Variants in SLC24A3 observed in about 807,000 individuals in gnomAD.
SLC24A3 encodes the protein solute carrier family 24 member 3, also known as sodium/potassium/calcium exchanger 3.
SLC24A3 carries 28 observed loss-of-function variants against 75.8 expected under a neutral mutation model. The observed-to-expected ratio is 0.37, with a 90% CI of 0.27 to 0.51. The LOEUF is 0.51. Among genes scored for constraint, SLC24A3 ranks in the 20% least tolerant of loss-of-function variants. SLC24A3 has a pLI of 0.94. For synonymous variants in SLC24A3, 372 were observed against 334.1 expected (o/e 1.11, Z -1.24); for missense variants, 663 against 847.8 (o/e 0.78, Z 2.71).
intron 3 of SLC24A3, among the ~76,000 whole-genome samples, chr20:19,548,958 T>C (rs1163492073): frequency 1.3e-5 from 2 of 152,234 alleles, no homozygotes; most frequent in African/African-American, 4.8e-5. Context: ...GCAGTAGGGT[T>C]AGCTCTTTCC....
At chr20:19,465,270 G>A (rs757221127) in intron 2 of SLC24A3, among the ~76,000 whole-genome samples, 1 of 152,156 alleles carries the variant, frequency 6.6e-6, no homozygotes, top group Non-Finnish European at 1.5e-5. Flanking sequence ...GGGAACTCCT[G>A]AGAGGCCCAG....
intron 6 of SLC24A3, among the ~76,000 whole-genome samples, chr20:19,610,735 G>A (rs1359484282): frequency 6.6e-6 from 1 of 152,174 alleles, no homozygotes; most frequent in African/African-American, 2.4e-5. Flanking sequence ...AGATGATGGG[G>A]TACACATACT....
At chr20:19,524,580 G>T (rs606246) in intron 3 of SLC24A3, among the ~76,000 whole-genome samples, 2 of 152,042 alleles carry the variant, frequency 1.3e-5, no homozygotes, top group East Asian at 1.9e-4. Context: ...ACGTTTACAT[G>T]TGGAGATTAG....
intron 1 of SLC24A3, among the ~76,000 whole-genome samples, chr20:19,238,075 T>G (rs1440355793): frequency 6.6e-6 from 1 of 152,166 alleles, no homozygotes; most frequent in East Asian, 1.9e-4. Flanking sequence ...CATAAGTGTA[T>G]ATAGCTTGAT....
At chr20:19,367,907 G>A (rs1011102971) in intron 2 of SLC24A3, among the ~76,000 whole-genome samples, 3 of 152,184 alleles carry the variant, frequency 2.0e-5, no homozygotes, top group South Asian at 4.1e-4. Flanking sequence ...GATGTCTGCT[G>A]AGTAACAGAC....
chr20:19,346,355 GGT>G (rs1437853980), intron 2 of SLC24A3, among the ~76,000 whole-genome samples: 202 of 102,368 alleles, frequency 2.0e-3, no homozygotes, highest in Non-Finnish European at 2.5e-3. Context: ...GTATATATAT[GGT>G]GTATATATAT....
At chr20:19,411,506 A>G (rs530513471) in intron 2 of SLC24A3, among the ~76,000 whole-genome samples, 17 of 152,274 alleles carry the variant, frequency 1.1e-4, no homozygotes, top group Non-Finnish European at 2.1e-4. Flanking sequence ...TAGGACCTGG[A>G]TCTTTTAAGT....
intron 1 of SLC24A3, among the ~76,000 whole-genome samples, chr20:19,269,619 T>C (rs747009783): frequency 2.2e-4 from 34 of 152,262 alleles, no homozygotes; most frequent in Non-Finnish European, 4.3e-4. Flanking sequence ...AGCTGAAAGC[T>C]GTCTTCATTG....
At chr20:19,689,881 G>A (rs937257636) in intron 12 of SLC24A3, among the ~76,000 whole-genome samples, 55 of 151,728 alleles carry the variant, frequency 3.6e-4, no homozygotes, top group African/African-American at 1.3e-3. Flanking sequence ...AAATACAAAA[G>A]TTAGCCAGGC....
At chr20:19,220,143 AC>A (rs1245003304) in intron 1 of SLC24A3, among the ~76,000 whole-genome samples, 1 of 152,162 alleles carries the variant, frequency 6.6e-6, no homozygotes, top group Non-Finnish European at 1.5e-5. Flanking sequence ...ACAAGGAAAG[AC>A]CTGTGTCATT....
chr20:19,504,338 A>C (rs1172020599), intron 2 of SLC24A3, among the ~76,000 whole-genome samples: 4 of 152,216 alleles, frequency 2.6e-5, no homozygotes, highest in Non-Finnish European at 5.9e-5. Context: ...TTAATGAGTT[A>C]ACATTAAAAA....
rs751531438 is a variant in SLC24A3 at position 19,580,069 on chromosome 20, T to G, written c.418T>G (p.Cys140Gly). The change falls in exon 4 of 17, where the codon TGT becomes GGT. Residue 140 changes from cysteine (C) to glycine (G), a missense_variant. Around this residue, in one of 2 missense-constraint regions of SLC24A3, gnomAD observed 510 missense variants for 703.6 expected, o/e 0.72. Transcript: ENST00000328041. Reference protein sequence around the residue: ...DFFVPSLEKICERLHLSEDVA... With the variant: ...DFFVPSLEKIGERLHLSEDVA... The stretch of plus-strand genomic sequence containing the variant: ...CTTCGTCCCTTCCTTGGAAAAGATC[T>G]GTGAGGTACGTGCCTCACATTCTTG... 1.2e-6 allele frequency: 2 copies of G among 1,613,588 alleles called. No homozygotes were observed. The highest frequency in any genetic ancestry group is 1.7e-6 in the Non-Finnish European group (2 of 1,179,486).
At chr20:19,218,924 A>G (rs1483636140) in intron 1 of SLC24A3, among the ~76,000 whole-genome samples, 2 of 152,140 alleles carry the variant, frequency 1.3e-5, no homozygotes, top group Admixed American at 1.3e-4. Flanking sequence ...TGGTTAGAAA[A>G]TGTTCCCAAA....
intron 3 of SLC24A3, among the ~76,000 whole-genome samples, chr20:19,558,451 G>C (rs8117786): frequency 6.6e-6 from 1 of 150,734 alleles, no homozygotes; most frequent in Admixed American, 6.6e-5. Flanking sequence ...CAAATTTGAC[G>C]TCTACAGACA....
At chr20:19,465,217 T>C (rs1435229649) in intron 2 of SLC24A3, among the ~76,000 whole-genome samples, 1 of 152,066 alleles carries the variant, frequency 6.6e-6, no homozygotes, top group African/African-American at 2.4e-5. Flanking sequence ...CTCATTTACA[T>C]TGGAGATGCC....
intron 2 of SLC24A3, among the ~76,000 whole-genome samples, chr20:19,411,947 G>T (rs932384366): frequency 2.6e-5 from 4 of 152,146 alleles, no homozygotes; most frequent in Non-Finnish European, 4.4e-5. Flanking sequence ...CTAAAGAAAA[G>T]CTCCATGATA....
chr20:19,371,400 G>T (rs1985990758), intron 2 of SLC24A3, among the ~76,000 whole-genome samples: 1 of 152,150 alleles, frequency 6.6e-6, no homozygotes, highest in African/African-American at 2.4e-5. Flanking sequence ...TTAGGTGTAG[G>T]CCCTGTGGTG....
chr20:19,713,490 G>T (rs2033011266), intron 15 of SLC24A3, among the ~76,000 whole-genome samples: 1 of 152,158 alleles, frequency 6.6e-6, no homozygotes, highest in Non-Finnish European at 1.5e-5. Context: ...CAGAACACTG[G>T]CCTCCTTATA....
chr20:19,279,785 A>G (rs1185263790), intron 1 of SLC24A3, among the ~76,000 whole-genome samples: 2 of 152,248 alleles, frequency 1.3e-5, no homozygotes, highest in East Asian at 3.9e-4. Context: ...AGCATTTCTA[A>G]TCTGCCACAT....
Sources: allele counts gnomAD v4.1 joint callset (sites outside exome capture counted in the v4.1 genomes callset), GRCh38; gene constraint gnomAD v4.1.1; regional missense constraint gnomAD v4.1.1; transcripts MANE v1.5; gene names NCBI Gene and HGNC (gene_info 2026-07-23, HGNC 2026-07-21).